The following CLASP2 variants were observed in gnomAD, a reference collection of about 807,000 sequenced individuals.
CLASP2 encodes CLIP-associating protein 2.
Under a neutral mutation model 194.4 loss-of-function variants are expected in CLASP2, and 47 were observed. The ratio of observed to expected loss-of-function variants is 0.24; its 90% CI spans 0.19 to 0.31. The LOEUF (loss-of-function observed/expected upper bound fraction) is 0.31. Among genes scored for constraint, CLASP2 ranks in the 10% least tolerant of loss-of-function variants. The pLI is 1.00. For missense variants in CLASP2, 1,445 were observed against 1,823.6 expected, an observed-to-expected ratio of 0.79 and a Z score of 3.78; for synonymous variants, 619 against 633.5, an observed-to-expected ratio of 0.98 and a Z score of 0.34.
At chr3:33,551,461 C>G (rs781635238) in intron 29 of CLASP2, 66 bp from the exon 30 acceptor site, 1 of 1,443,340 alleles carries the variant, frequency 6.9e-7, no homozygotes, top group East Asian at 2.3e-5. Flanking sequence ...GAGAACATTT[C>G]AAAAATAATC....
At chr3:33,623,219 A>G (rs1341356537) in intron 10 of CLASP2, among the ~76,000 whole-genome samples, 1 of 152,232 alleles carries the variant, frequency 6.6e-6, no homozygotes, top group Admixed American at 6.5e-5. Context: ...AAATCAGGGT[A>G]ACTGGGGTAT....
At chr3:33,577,136 G>A in intron 23 of CLASP2, 2 of 1,135,444 alleles carry the variant, frequency 1.8e-6, no homozygotes, top group Non-Finnish European at 2.5e-6. Flanking sequence ...ATTATTTAAT[G>A]GAAACTGAAA....
intron 26 of CLASP2, among the ~76,000 whole-genome samples, chr3:33,567,815 AAGT>A (rs1172440885): frequency 6.6e-6 from 1 of 152,170 alleles, no homozygotes; most frequent in Non-Finnish European, 1.5e-5. Flanking sequence ...CACACTGCTT[AAGT>A]AATCCTTCCA....
intron 1 of CLASP2, among the ~76,000 whole-genome samples, chr3:33,709,837 G>A (rs200341778): frequency 1.3e-5 from 2 of 152,142 alleles, no homozygotes; most frequent in Admixed American, 6.5e-5. Context: ...GCTGTTATTT[G>A]GTTCCTAATT....
chr3:33,516,494 C>A, intron 35 of CLASP2, among the ~76,000 whole-genome samples: 1 of 151,914 alleles, frequency 6.6e-6, no homozygotes, highest in South Asian at 2.1e-4. Context: ...ATGGTGAAAC[C>A]CCATCTCTAC....
chr3:33,636,704 G>A (rs113303305), intron 8 of CLASP2, among the ~76,000 whole-genome samples: 10 of 152,294 alleles, frequency 6.6e-5, no homozygotes, highest in African/African-American at 1.7e-4. Flanking sequence ...GGGTTCAAGC[G>A]ATTCTCCTGC....
chr3:33,712,597 T>C (rs1020561181), intron 1 of CLASP2, among the ~76,000 whole-genome samples: 4 of 152,172 alleles, frequency 2.6e-5, no homozygotes, highest in Non-Finnish European at 5.9e-5. Context: ...GGTAAAACTC[T>C]TCAAGTTCAA....
chr3:33,553,953 G>A (rs1056295254), intron 29 of CLASP2, among the ~76,000 whole-genome samples: 13 of 152,046 alleles, frequency 8.6e-5, no homozygotes, highest in Non-Finnish European at 1.6e-4. Flanking sequence ...TCGGCCAGGC[G>A]CAGTGGCTCA....
At chr3:33,616,985 C>T (rs2076300125) in intron 12 of CLASP2, among the ~76,000 whole-genome samples, 1 of 150,880 alleles carries the variant, frequency 6.6e-6, no homozygotes, top group Non-Finnish European at 1.5e-5. Context: ...CCTGCCTCAG[C>T]CTCCCAAAGT....
At chr3:33,627,832 T>C (rs1247119632) in intron 9 of CLASP2, among the ~76,000 whole-genome samples, 1 of 152,146 alleles carries the variant, frequency 6.6e-6, no homozygotes, top group East Asian at 1.9e-4. Context: ...AAAGAATGTG[T>C]AGGATATCAT....
chr3:33,715,872 AAAAG>A (rs1169006895), intron 1 of CLASP2, among the ~76,000 whole-genome samples: 3 of 150,860 alleles, frequency 2.0e-5, no homozygotes, highest in Non-Finnish European at 4.4e-5. Context: ...AAAAAAAAAA[AAAAG>A]ATTACCCAGT....
At position 33,717,901 on chromosome 3, in the gene CLASP2, G is replaced by A. The variant is rs1220981726; in HGVS notation, c.102C>T (p.Ala34=). ...CCTCCAGGTCCGAGATGGCGCCGGG[G>A]GCGCCAAGGTAGAGCAGGAGCTCCT... ...VGQELLLYLG[A]PGAISDLEED... is the part of the protein sequence containing the mutation. The change falls in exon 1 of 39, where the codon GCC becomes GCT. Residue 34 remains alanine (A), a synonymous_variant. Transcript: ENST00000682230. The A allele has an allele frequency of 6.4e-7, 1 of 1,555,298 alleles. No individual in the cohort carries two copies. Among genetic ancestry groups the A allele is most frequent in the Non-Finnish European group, 8.7e-7 (1 of 1,150,092 alleles).
intron 26 of CLASP2, among the ~76,000 whole-genome samples, chr3:33,568,113 T>C (rs1169311731): frequency 6.6e-6 from 1 of 152,196 alleles, no homozygotes; most frequent in African/African-American, 2.4e-5. Context: ...CCTGAACATA[T>C]GTTTCTATTT....
intron 8 of CLASP2, among the ~76,000 whole-genome samples, chr3:33,637,528 C>T (rs1262015939): frequency 1.3e-5 from 2 of 151,772 alleles, no homozygotes; most frequent in East Asian, 1.9e-4. Flanking sequence ...AGCAAGACTC[C>T]GTATCAAACA....
At chr3:33,693,732 C>T (rs1299516213) in intron 2 of CLASP2, among the ~76,000 whole-genome samples, 2 of 152,016 alleles carry the variant, frequency 1.3e-5, no homozygotes, top group Non-Finnish European at 2.9e-5. Flanking sequence ...GTATATTACC[C>T]TAAAGTAATA....
Position 33,534,526 on chromosome 3 carries a change from G to A in CLASP2, c.3787+707C>T, listed in dbSNP as rs79279096. Among the ~76,000 whole-genome samples the A allele has an allele frequency of 5.0e-3, 767 of 152,284 alleles. 3 individuals are homozygous for A. Among genetic ancestry groups the A allele is most frequent in the Non-Finnish European group, 8.6e-3 (583 of 68,022 alleles). The stretch of plus-strand genomic sequence containing the variant: ...AGGCTGCAGTGAGCTATGTTTGAGC[G>A]ACTACATTCCAGACTGGGCAACAGA... On this transcript the variant is annotated intron_variant, in intron 34 of 38. Coordinates refer to ENST00000682230, the MANE Select transcript of CLASP2 (RefSeq NM_001365631.1).
chr3:33,694,075 C>A (rs887075169), intron 2 of CLASP2, among the ~76,000 whole-genome samples: 19 of 151,710 alleles, frequency 1.3e-4, no homozygotes, highest in African/African-American at 4.4e-4. Flanking sequence ...AAAGAAAGGA[C>A]CATGGAGAAG....
At chr3:33,564,287 G>A (rs1165755711) in intron 27 of CLASP2, among the ~76,000 whole-genome samples, 2 of 152,130 alleles carry the variant, frequency 1.3e-5, no homozygotes, top group African/African-American at 4.8e-5. Context: ...TTTCTTCAAT[G>A]CAAGGGAAGA....
At chr3:33,633,890 G>T (rs895168854) in intron 8 of CLASP2, among the ~76,000 whole-genome samples, 4 of 152,170 alleles carry the variant, frequency 2.6e-5, no homozygotes, top group Non-Finnish European at 5.9e-5. Context: ...GACAGTATGA[G>T]AATATCTAAC....
Sources: allele counts gnomAD v4.1 joint callset (sites outside exome capture counted in the v4.1 genomes callset), GRCh38; gene constraint gnomAD v4.1.1; transcripts MANE v1.5; gene names NCBI Gene and HGNC (gene_info 2026-07-23, HGNC 2026-07-21).